MYH7: variants seen among roughly 807,000 people sequenced by gnomAD.
MYH7 encodes the protein myosin heavy chain 7, also known as myosin-7.
In MYH7, 129 loss-of-function variants were observed where a neutral mutation model predicts 225.4. The ratio of observed to expected loss-of-function variants is 0.57; its 90% CI spans 0.50 to 0.66. The LOEUF (loss-of-function observed/expected upper bound fraction) is 0.66, where lower values mean the gene tolerates loss of function less well. Ranked by LOEUF, MYH7 falls within the 30% of genes least tolerant of loss-of-function variation. MYH7 has a pLI of 0.00. For synonymous variants in MYH7, 971 were observed against 1,007.6 expected (o/e 0.96, Z 0.69); for missense variants, 1,649 against 2,517.0 (o/e 0.66, Z 7.38).
chr14:23,425,615 A>G lies in MYH7; in HGVS notation c.2286+80T>C. The G allele has an allele frequency of 1.9e-6, 3 of 1,609,692 alleles. No homozygotes were observed. Among genetic ancestry groups the G allele is most frequent in the South Asian group, 2.2e-5 (2 of 90,862 alleles). On this transcript the variant is annotated intron_variant, in intron 20 of 39. Coordinates refer to ENST00000355349, the MANE Select transcript of MYH7 (RefSeq NM_000257.4). The surrounding 1 kb of genome is among the most constrained non-coding windows in gnomAD (Gnocchi z 4.6). ...CATACAGGTAAGAGATTTTGCTAAGATGATTACAACAGGAAAAGCATCAGA... is the reference window on the plus strand; with the variant it reads ...CATACAGGTAAGAGATTTTGCTAAGGTGATTACAACAGGAAAAGCATCAGA...
intron 32 of MYH7, 33 bp downstream of exon 32, chr14:23,417,120 G>GC (rs1261410451): frequency 6.2e-7 from 1 of 1,614,158 alleles, no homozygotes; most frequent in South Asian, 1.1e-5. Context: ...TGCCAGTGCA[G>GC]CCCCTCCCCA....
At chr14:23,417,802 G>C (rs1172725869) in intron 30 of MYH7, 116 bp from the exon 31 acceptor site, 2 of 1,398,160 alleles carry the variant, frequency 1.4e-6, no homozygotes, top group Non-Finnish European at 2.0e-6. Context: ...TGTAGCTGGA[G>C]AAGCCTGAGG....
rs397516250 is a variant in MYH7 at position 23,413,897 on chromosome 14, C to T, written c.5656-4G>A. The T allele has an allele frequency of 5.0e-5, 80 of 1,614,094 alleles. No individual in the cohort carries two copies. Among genetic ancestry groups the T allele is most frequent in the East Asian group, 3.3e-4 (15 of 44,898 alleles). On this transcript the variant is annotated splice_polypyrimidine_tract_variant and splice_region_variant and intron_variant, in intron 38 of 39. Transcript: ENST00000355349. ...GGTTGGTGTTGGCTTGCTCCTCCTG[C>T]GGGAGGTGGGAGCATGAGGTGAGAG...
intron 10 of MYH7, 87 bp from the exon 11 acceptor site, chr14:23,430,750 C>A: frequency 2.2e-6 from 3 of 1,345,162 alleles, no homozygotes; most frequent in Non-Finnish European, 2.1e-6. Flanking sequence ...TGAGGAAGAG[C>A]ACAGGACAGG....
intron 18 of MYH7, among the ~76,000 whole-genome samples, 164 bp downstream of exon 18, chr14:23,426,613 G>A (rs1487489829): frequency 2.0e-5 from 3 of 152,202 alleles, no homozygotes; most frequent in Non-Finnish European, 4.4e-5. Context: ...GCAAGTGCAA[G>A]GTAGCGCTGA....
chr14:23,422,092 T>A, intron 25 of MYH7, 88 bp downstream of exon 25: 1 of 1,588,624 alleles, frequency 6.3e-7, no homozygotes, highest in East Asian at 2.2e-5. Flanking sequence ...CTGCGTGAGG[T>A]TGTTGCCTCA....
chr14:23,423,696 C>T lies in MYH7; in HGVS notation c.2950G>A (p.Gly984Arg). 6.2e-7 allele frequency: 1 copy of T among 1,614,118 alleles called. No homozygotes were observed. Among genetic ancestry groups the T allele is most frequent in the African/African-American group, 1.3e-5 (1 of 75,020 alleles). ...AGCTTGGCAATGATCTCATCCAGCC[C>T]AGCCATCTCCTCTGTCAGGTTTTTC... is the stretch of plus-strand genomic sequence containing the variant. ...KVKNLTEEMAGLDEIIAKLTK... is the reference protein window; with the variant it reads ...KVKNLTEEMARLDEIIAKLTK... The change falls in exon 24 of 40, where the codon GGG (glycine) becomes AGG (arginine). Residue 984 changes from glycine (G) to arginine (R), a missense_variant. Gly to Arg is a moderately radical substitution (Grantham distance 125). This residue lies in a region of MYH7 where 282 missense variants were observed against 315.3 expected (regional missense o/e 0.89). Transcript: ENST00000355349.
chr14:23,426,735 G>T (rs1892708453), intron 18 of MYH7, 42 bp downstream of exon 18: 2 of 1,561,934 alleles, frequency 1.3e-6, no homozygotes, highest in South Asian at 1.1e-5. Flanking sequence ...TCCCAGGGCG[G>T]TGTATGCCCA....
Position 23,428,939 on chromosome 14 carries a change from A to T in MYH7, c.1407+16T>A. ...AGTGAGTGATTGTTCTCCCACTCCCAGGGGTCCCAACTCACATCGAAGATC... is the reference window on the plus strand; with the variant it reads ...AGTGAGTGATTGTTCTCCCACTCCCTGGGGTCCCAACTCACATCGAAGATC... On this transcript the variant is annotated intron_variant, in intron 14 of 39. Coordinates refer to ENST00000355349, the MANE Select transcript of MYH7 (RefSeq NM_000257.4). The T allele has an allele frequency of 6.2e-7, 1 of 1,614,174 alleles. No homozygotes were observed. The highest frequency in any genetic ancestry group is 8.5e-7 in the Non-Finnish European group (1 of 1,180,040).
In MYH7 at chr14:23,422,291, C is replaced by A. The variant is rs397516178; in HGVS notation, c.3134G>T (p.Arg1045Leu). The change falls in exon 25 of 40, where the codon CGC becomes CTC. Residue 1045 changes from arginine (R) to leucine (L), a missense_variant. Physicochemically the swap from Arg to Leu is moderately radical, Grantham distance 102. This residue lies in a region of MYH7 where 282 missense variants were observed against 315.3 expected (regional missense o/e 0.89). Transcript: ENST00000355349. ...CCGCTTCGCTCGCTCCAGGTCCATGCGCACCTTCTTCTCTTGCTCCAGGGA... is the reference window on the plus strand; with the variant it reads ...CCGCTTCGCTCGCTCCAGGTCCATGAGCACCTTCTTCTCTTGCTCCAGGGA... Reference protein sequence around the residue: ...EGSLEQEKKVRMDLERAKRKL... With the variant: ...EGSLEQEKKVLMDLERAKRKL... 1.5e-5 allele frequency: 24 copies of A among 1,614,052 alleles called. No homozygotes were observed. Among genetic ancestry groups the A allele is most frequent in the Non-Finnish European group, 1.7e-5 (20 of 1,180,050 alleles).
rs1403373464 is a variant in MYH7, at chr14:23,426,654, G to A, written c.2044+123C>T. 1.0e-5 allele frequency: 9 copies of A among 888,876 alleles called. No homozygotes were observed. The East Asian group carries it at 2.3e-4, about 22-fold the overall frequency. The allele number at this position is 888,876 out of a possible 1,614,324, so 55.1% of individuals were successfully genotyped here. On this transcript the variant is annotated intron_variant, in intron 18 of 39. Coordinates refer to ENST00000355349, the MANE Select transcript of MYH7 (RefSeq NM_000257.4). ...AGGTACCCTGGGAGGCCTCATGCGG[G>A]ATGGGAGGAGAAGAATGTGGTTTGG...
intron 25 of MYH7, 98 bp from the exon 26 acceptor site, chr14:23,421,146 G>A (rs1892459444): frequency 3.4e-6 from 3 of 873,678 alleles, no homozygotes; most frequent in Non-Finnish European, 5.7e-6. Context: ...TAAAGAGTAG[G>A]ATTTCATTAG....
In MYH7 at chr14:23,433,358, A is replaced by T; in HGVS notation, c.202-131T>A. 1 of 1,478,988 alleles carries T rather than the reference A, an allele frequency of 6.8e-7. No individual in the cohort carries two copies. The allele number at this position is 1,478,988 out of a possible 1,614,324, so 91.6% of individuals were successfully genotyped here. ...GGAACCAGGATCTCACAGGGAAGAC[A>T]GAAGGGATATTGGGAAGGAGAGGGC... On this transcript the variant is annotated intron_variant, in intron 3 of 39. Transcript: ENST00000355349. The surrounding 1 kb of genome is among the most constrained non-coding windows in gnomAD (Gnocchi z 4.1).
chr14:23,430,509 G>C, intron 11 of MYH7, 51 bp downstream of exon 11: 1 of 1,435,634 alleles, frequency 7.0e-7, no homozygotes, highest in Non-Finnish European at 9.8e-7. Flanking sequence ...ACCCCTGTTT[G>C]CCCCTCACTG....
intron 37 of MYH7, 35 bp from the exon 38 acceptor site, chr14:23,414,137 G>T: frequency 6.3e-7 from 1 of 1,585,808 alleles, no homozygotes; most frequent in South Asian, 1.1e-5. Flanking sequence ...GGTGAAGATG[G>T]CACAGTCATA....
Position 23,415,214 on chromosome 14 carries a change from C to T in MYH7, c.5340G>A (p.Glu1780=), listed in dbSNP as rs752882625. ...KKEQDTSAHL[E]RMKKNMEQTI... is the part of the protein sequence containing the mutation. ...TCTGTTCCATGTTCTTCTTCATGCG[C>T]TCCAGGTGGGCGCTGGTGTCCTGCT... The change falls in exon 37 of 40, where the codon GAG becomes GAA. Residue 1780 remains glutamate (E), a synonymous_variant. Transcript: ENST00000355349. The surrounding 1 kb of genome is among the most constrained non-coding windows in gnomAD (Gnocchi z 6.3). 8.7e-6 allele frequency: 14 copies of T among 1,614,158 alleles called. No homozygotes were observed. The highest frequency in any genetic ancestry group is 9.3e-6 in the Non-Finnish European group (11 of 1,180,060).
chr14:23,425,626 A>G lies in MYH7; in HGVS notation c.2286+69T>C. The G allele has an allele frequency of 6.2e-6, 10 of 1,611,654 alleles. No homozygotes were observed. The highest frequency in any genetic ancestry group is 8.5e-6 in the Non-Finnish European group (10 of 1,178,606). ...GAGATTTTGCTAAGATGATTACAAC[A>G]GGAAAAGCATCAGAGGAGTCAATGG... On this transcript the variant is annotated intron_variant, in intron 20 of 39. Transcript: ENST00000355349. This position sits in a 1 kb window ranked among gnomAD's most constrained non-coding sequence, Gnocchi z 4.6.
chr14:23,425,779 C>T lies in MYH7; in HGVS notation c.2202G>A (p.Gln734=), dbSNP rs1595083514. The T allele has an allele frequency of 1.2e-6, 2 of 1,613,996 alleles. No homozygotes were observed. Among genetic ancestry groups the T allele is most frequent in the South Asian group, 1.1e-5 (1 of 91,074 alleles). ...CTGCCCCCTTCCTGCTATCAATGAACTGTCCCTCAGGGATGGCCGCTGGGT... is the reference window on the plus strand; with the variant it reads ...CTGCCCCCTTCCTGCTATCAATGAATTGTCCCTCAGGGATGGCCGCTGGGT... The part of the protein sequence containing the change: ...ILNPAAIPEG[Q]FIDSRKGAEK... The change falls in exon 20 of 40, where the codon CAG becomes CAA. Residue 734 remains glutamine, a synonymous_variant. Coordinates refer to ENST00000355349, the MANE Select transcript of MYH7 (RefSeq NM_000257.4). The surrounding 1 kb of genome is among the most constrained non-coding windows in gnomAD (Gnocchi z 4.6).
At chr14:23,417,121 C>T (rs752723295) in intron 32 of MYH7, 32 bp downstream of exon 32, 14 of 1,614,042 alleles carry the variant, frequency 8.7e-6, no homozygotes, top group African/African-American at 4.0e-5. Context: ...GCCAGTGCAG[C>T]CCCTCCCCAG....
Sources: allele counts gnomAD v4.1 joint callset (sites outside exome capture counted in the v4.1 genomes callset), GRCh38; gene constraint gnomAD v4.1.1; regional missense constraint gnomAD v4.1.1; non-coding constraint Gnocchi (gnomAD v3.1); transcripts MANE v1.5; gene names NCBI Gene and HGNC (gene_info 2026-07-23, HGNC 2026-07-21).